LAPTM4B: variants seen among roughly 807,000 people sequenced by gnomAD.
LAPTM4B encodes the protein lysosomal-associated transmembrane protein 4B.
A neutral mutation model predicts 28.5 loss-of-function variants in LAPTM4B; 26 were observed. The observed-to-expected ratio is 0.91, with a 90% confidence interval of 0.67 to 1.27. The LOEUF (loss-of-function observed/expected upper bound fraction) is 1.27, where lower values mean the gene tolerates loss of function less well. LAPTM4B is among the 50% of genes most tolerant of loss of function. The probability of loss-of-function intolerance (pLI) is 0.00; values close to 1 mark genes in which losing one functional copy is unlikely to be tolerated. For missense variants in LAPTM4B, 288 were observed against 285.8 expected (o/e 1.01, Z -0.06); for synonymous variants, 109 against 106.4 (o/e 1.02, Z -0.15).
In LAPTM4B at chr8:97,804,441, T is replaced by C. The variant is rs1348163336; in HGVS notation, c.100-912T>C. ...GTTTCGTATATGGACAGGAGACTTG[T>C]AGAGGTTAGGTTTTGGAACCTAAAT... On this transcript the variant is annotated intron_variant, in intron 1 of 6. Transcript: ENST00000521545. 5.3e-5 allele frequency among the ~76,000 whole-genome samples: 8 copies of C among 152,210 alleles called. No individual in the cohort carries two copies. In the East Asian group the frequency reaches 7.7e-4, roughly 15 times the overall value.
chr8:97,812,672 G>A (rs1202948987), intron 2 of LAPTM4B, among the ~76,000 whole-genome samples: 1 of 152,178 alleles, frequency 6.6e-6, no homozygotes, highest in African/African-American at 2.4e-5. Flanking sequence ...AGTTGGGAAT[G>A]AGTCACCTAG....
At chr8:97,829,710 A>C (rs1176710408) in intron 6 of LAPTM4B, among the ~76,000 whole-genome samples, 26 of 144,530 alleles carry the variant, frequency 1.8e-4, no homozygotes, top group Non-Finnish European at 6.1e-5. Flanking sequence ...TTTTTTTTTG[A>C]GACAAGAGTC....
chr8:97,790,099 T>C (rs954718225), intron 1 of LAPTM4B, among the ~76,000 whole-genome samples: 7 of 152,350 alleles, frequency 4.6e-5, no homozygotes, highest in African/African-American at 1.4e-4. Flanking sequence ...ACAGTTTCTT[T>C]ATCCATTCAC....
At chr8:97,778,759 A>G (rs1816265029) in intron 1 of LAPTM4B, among the ~76,000 whole-genome samples, 1 of 151,930 alleles carries the variant, frequency 6.6e-6, no homozygotes, top group South Asian at 2.1e-4. Context: ...CTTTCTGAAC[A>G]AAAGTATAAA....
chr8:97,851,762 TCTGCTTTTGTAC>T lies in LAPTM4B; in HGVS notation c.*294_*305del. ...CCCCCAAATCTGATGGACCTAGAAGTCTGCTTTTGTACCTGCTGGGCCCCAAAGTTGGGCATT... is the reference window on the plus strand; with the variant it reads ...CCCCCAAATCTGATGGACCTAGAAGTCTGCTGGGCCCCAAAGTTGGGCATT... On this transcript the variant is annotated 3_prime_UTR_variant, in exon 7 of 7. Coordinates refer to ENST00000521545, the MANE Select transcript of LAPTM4B (RefSeq NM_018407.6). 3 of 376,112 alleles carry T rather than the reference TCTGCTTTTGTAC, an allele frequency of 8.0e-6. No homozygotes were observed. The highest frequency in any genetic ancestry group is 1.4e-5 in the Non-Finnish European group (3 of 210,502). 23.3% of individuals were successfully genotyped at this position (376,112 alleles called of 1,614,324 possible).
At chr8:97,823,712 T>C (rs1256038557) in intron 5 of LAPTM4B, among the ~76,000 whole-genome samples, 2 of 138,388 alleles carry the variant, frequency 1.4e-5, no homozygotes, top group African/African-American at 5.4e-5. Flanking sequence ...TTTTTTTTTT[T>C]TCGGAGATGG....
chr8:97,782,044 G>T (rs984580055), intron 1 of LAPTM4B, among the ~76,000 whole-genome samples: 1 of 148,980 alleles, frequency 6.7e-6, no homozygotes, highest in Non-Finnish European at 1.5e-5. Flanking sequence ...GCAATGGTGC[G>T]ATCTCGGCTC....
intron 4 of LAPTM4B, among the ~76,000 whole-genome samples, chr8:97,818,781 A>G (rs1248587764): frequency 3.3e-5 from 5 of 150,816 alleles, no homozygotes; most frequent in East Asian, 1.9e-4. Context: ...GCTCACTGCA[A>G]CCTCCACCAC....
intron 6 of LAPTM4B, among the ~76,000 whole-genome samples, chr8:97,827,265 C>A (rs1250717158): frequency 6.6e-6 from 1 of 152,212 alleles, no homozygotes; most frequent in African/African-American, 2.4e-5. Flanking sequence ...CTTCCCCCTT[C>A]CTTTCTAACT....
intron 6 of LAPTM4B, among the ~76,000 whole-genome samples, chr8:97,835,339 C>A (rs1474068524): frequency 6.6e-6 from 1 of 152,190 alleles, no homozygotes; most frequent in Non-Finnish European, 1.5e-5. Context: ...CAGATGTGCT[C>A]TTTCCCAAAA....
At chr8:97,784,888 A>G (rs1586318902) in intron 1 of LAPTM4B, among the ~76,000 whole-genome samples, 2 of 152,186 alleles carry the variant, frequency 1.3e-5, no homozygotes, top group African/African-American at 2.4e-5. Context: ...AATTTTTACC[A>G]GTTAGTGAGT....
intron 1 of LAPTM4B, among the ~76,000 whole-genome samples, chr8:97,780,678 T>C (rs1816294581): frequency 6.6e-6 from 1 of 152,266 alleles, no homozygotes; most frequent in Middle Eastern, 3.4e-3. Flanking sequence ...AACTGAGGCT[T>C]AGAGAACTTT....
At chr8:97,819,351 T>A in intron 5 of LAPTM4B, 113 bp downstream of exon 5, 3 of 627,730 alleles carry the variant, frequency 4.8e-6, no homozygotes, top group Non-Finnish European at 8.3e-6. Flanking sequence ...TCCAAATTGC[T>A]TTTTGATTTC....
intron 2 of LAPTM4B, among the ~76,000 whole-genome samples, chr8:97,812,181 T>A (rs1290851801): frequency 1.3e-5 from 2 of 151,532 alleles, no homozygotes; most frequent in African/African-American, 2.4e-5. Flanking sequence ...GACTTTTTTT[T>A]AAAGGATAAG....
At chr8:97,794,992 G>A (rs529118022) in intron 1 of LAPTM4B, among the ~76,000 whole-genome samples, 9 of 152,338 alleles carry the variant, frequency 5.9e-5, no homozygotes, top group African/African-American at 1.4e-4. Context: ...GATTACAGGC[G>A]TGAGCCGCCA....
intron 6 of LAPTM4B, among the ~76,000 whole-genome samples, chr8:97,830,266 G>T (rs2512051): frequency 0.47 from 71,351 of 151,786 alleles, 17,029 homozygotes; most frequent in East Asian, 0.57. Flanking sequence ...CAGGAGAACG[G>T]GAGTGAGACC....
intron 1 of LAPTM4B, among the ~76,000 whole-genome samples, chr8:97,792,413 A>G (rs2129743264): frequency 6.6e-6 from 1 of 151,938 alleles, no homozygotes. Flanking sequence ...AGCCACCACA[A>G]CCAGCTAATT....
intron 6 of LAPTM4B, among the ~76,000 whole-genome samples, chr8:97,829,400 G>A (rs1008904146): frequency 6.6e-6 from 1 of 152,166 alleles, no homozygotes; most frequent in Non-Finnish European, 1.5e-5. Context: ...TGTGATGAGA[G>A]TGGGACTGGA....
At chr8:97,811,644 C>T (rs1816829536) in intron 2 of LAPTM4B, among the ~76,000 whole-genome samples, 2 of 152,126 alleles carry the variant, frequency 1.3e-5, no homozygotes, top group Non-Finnish European at 2.9e-5. Context: ...GGAAAGGGCC[C>T]TTGGCTGCCT....
Sources: allele counts gnomAD v4.1 joint callset (sites outside exome capture counted in the v4.1 genomes callset), GRCh38; gene constraint gnomAD v4.1.1; transcripts MANE v1.5; gene names NCBI Gene and HGNC (gene_info 2026-07-23, HGNC 2026-07-21).